Variants in STIM1 observed in about 807,000 individuals in gnomAD.
The protein encoded by STIM1 is stromal interaction molecule 1.
Under a neutral mutation model 74.7 loss-of-function variants are expected in STIM1, and 25 were observed. The ratio of observed to expected loss-of-function variants is 0.33; its 90% CI spans 0.24 to 0.47. The LOEUF is 0.47. Ranked by LOEUF, STIM1 falls within the 20% of genes least tolerant of loss-of-function variation. STIM1 has a pLI of 1.00. For missense variants in STIM1, 728 were observed against 920.8 expected (o/e 0.79, Z 2.71); for synonymous variants, 328 against 348.8 (o/e 0.94, Z 0.66).
At chr11:3,946,608 A>G (rs559674466) in intron 1 of STIM1, among the ~76,000 whole-genome samples, 3 of 152,270 alleles carry the variant, frequency 2.0e-5, no homozygotes, top group East Asian at 3.9e-4. Context: ...TAGTTTTCCA[A>G]GTGTCTTAAG....
intron 2 of STIM1, among the ~76,000 whole-genome samples, chr11:4,002,294 GCAC>G (rs754751081): frequency 0.011 from 1,606 of 152,094 alleles, 14 homozygotes; most frequent in Non-Finnish European, 0.018. Context: ...ATTTTTTTCA[GCAC>G]CACACCATGC....
At chr11:3,969,854 C>A (rs1458233404) in intron 2 of STIM1, among the ~76,000 whole-genome samples, 1 of 152,200 alleles carries the variant, frequency 6.6e-6, no homozygotes, top group South Asian at 2.1e-4. Flanking sequence ...ATGTAAGTAT[C>A]TGAAATTTGG....
chr11:4,024,208 T>C (rs1279291805), intron 3 of STIM1, among the ~76,000 whole-genome samples: 2 of 152,162 alleles, frequency 1.3e-5, no homozygotes, highest in African/African-American at 4.8e-5. Context: ...AGGATACTTT[T>C]TGAATTCTAT....
At chr11:4,038,303 G>C (rs2132972797) in intron 3 of STIM1, among the ~76,000 whole-genome samples, 1 of 152,074 alleles carries the variant, frequency 6.6e-6, no homozygotes, top group South Asian at 2.1e-4. Flanking sequence ...CCAAAGTACT[G>C]GTGTTACAGA....
At chr11:3,904,077 A>C (rs965696774) in intron 1 of STIM1, among the ~76,000 whole-genome samples, 3 of 151,490 alleles carry the variant, frequency 2.0e-5, no homozygotes, top group Non-Finnish European at 4.4e-5. Flanking sequence ...TGTGCCTGTA[A>C]TCTCAGCTAG....
At chr11:3,962,000 A>T (rs2093291376) in intron 1 of STIM1, among the ~76,000 whole-genome samples, 1 of 152,224 alleles carries the variant, frequency 6.6e-6, no homozygotes, top group Non-Finnish European at 1.5e-5. Context: ...TTAGGAGTAA[A>T]TTGAAACTAC....
intron 3 of STIM1, among the ~76,000 whole-genome samples, chr11:4,051,421 C>A (rs1414556998): frequency 6.6e-6 from 1 of 151,188 alleles, no homozygotes; most frequent in Non-Finnish European, 1.5e-5. Context: ...CGGCTCACTG[C>A]AACCTCTGCT....
intron 1 of STIM1, among the ~76,000 whole-genome samples, chr11:3,913,327 A>G (rs918105538): frequency 6.6e-6 from 1 of 151,482 alleles, no homozygotes. Context: ...AGCTGGGACC[A>G]CAGATGGGCA....
chr11:4,024,661 T>C lies in STIM1; in HGVS notation c.385+674T>C, dbSNP rs564208381. On this transcript the variant is annotated intron_variant, in intron 3 of 12. Transcript: ENST00000526596. ...AGCAGGACTGTCACCTTCTTGTTTC[T>C]GAATCCTGTGCATCTGTTAGTGCAG... Among the ~76,000 whole-genome samples the C allele has an allele frequency of 3.3e-5, 5 of 152,364 alleles. No homozygotes were observed. The South Asian group carries it at 1.0e-3, about 32-fold the overall frequency.
intron 1 of STIM1, among the ~76,000 whole-genome samples, chr11:3,904,285 G>A (rs1425714166): frequency 1.3e-5 from 2 of 151,302 alleles, no homozygotes; most frequent in Non-Finnish European, 2.9e-5. Context: ...ATGCCACCCT[G>A]TAAGGATGAC....
chr11:3,940,723 G>A (rs1014837373), intron 1 of STIM1, among the ~76,000 whole-genome samples: 6 of 152,158 alleles, frequency 3.9e-5, no homozygotes, highest in African/African-American at 1.4e-4. Context: ...GAAAAGGGGG[G>A]ATGGCAAGCC....
At position 4,091,305 on chromosome 11, in the gene STIM1, A is replaced by G. The variant is rs915446402; in HGVS notation, c.1658A>G (p.Glu553Gly). ...SQRDLTHSDS[E>G]SSLHMSDRQR... ...AGGGATTTGACCCATTCCGATTCGG[A>G]GTCCTCCCTCCACATGAGTGACCGC... is the stretch of plus-strand genomic sequence containing the variant. The change falls in exon 13 of 13, where the codon GAG becomes GGG. Residue 553 changes from glutamate (E) to glycine (G), a missense_variant. This residue lies in a region of STIM1 where 352 missense variants were observed against 370.1 expected (regional missense o/e 0.95). Coordinates refer to ENST00000526596, the MANE Select transcript of STIM1 (RefSeq NM_001382567.1). The G allele has an allele frequency of 1.9e-6, 3 of 1,613,930 alleles. No individual in the cohort carries two copies. The highest frequency in any genetic ancestry group is 2.5e-6 in the Non-Finnish European group (3 of 1,180,016).
intron 1 of STIM1, chr11:3,892,433 G>A: frequency 6.9e-7 from 1 of 1,457,078 alleles, no homozygotes. Context: ...CTTCTTGCTG[G>A]TCTTGCCATT....
chr11:3,867,911 C>T (rs1463730882), intron 1 of STIM1: 1 of 152,236 alleles, frequency 6.6e-6, no homozygotes, highest in Non-Finnish European at 1.5e-5. Context: ...CTAATTTTCT[C>T]AGTGTGATTC....
intron 12 of STIM1, 28 bp downstream of exon 12, chr11:4,086,571 C>T (rs2094494546): frequency 6.2e-7 from 1 of 1,613,818 alleles, no homozygotes; most frequent in Non-Finnish European, 8.5e-7. Flanking sequence ...CTGGCCACTT[C>T]TTGACAAGCC....
At chr11:3,895,678 C>T (rs765773030) in intron 1 of STIM1, among the ~76,000 whole-genome samples, 923 of 53,080 alleles carry the variant, frequency 0.017, 74 homozygotes, top group Non-Finnish European at 0.024. Flanking sequence ...TTCTTTCCTT[C>T]CTTCCTTCTT....
chr11:3,881,978 A>G (rs1285445263), intron 1 of STIM1, among the ~76,000 whole-genome samples: 2 of 151,338 alleles, frequency 1.3e-5, no homozygotes, highest in Non-Finnish European at 2.9e-5. Flanking sequence ...GGCCTTGATC[A>G]TATGATTATA....
chr11:4,043,107 A>G (rs1239126777), intron 3 of STIM1, among the ~76,000 whole-genome samples: 3 of 152,212 alleles, frequency 2.0e-5, no homozygotes, highest in African/African-American at 7.2e-5. Flanking sequence ...TAGGATAGGC[A>G]AGGTCTTCCA....
chr11:4,028,624 G>C (rs2094019741), intron 3 of STIM1, among the ~76,000 whole-genome samples: 1 of 151,672 alleles, frequency 6.6e-6, no homozygotes, highest in Non-Finnish European at 1.5e-5. Flanking sequence ...GGACCAGGCT[G>C]GTCTCGAACT....
Sources: allele counts gnomAD v4.1 joint callset (sites outside exome capture counted in the v4.1 genomes callset), GRCh38; gene constraint gnomAD v4.1.1; regional missense constraint gnomAD v4.1.1; transcripts MANE v1.5; gene names NCBI Gene and HGNC (gene_info 2026-07-23, HGNC 2026-07-21).